PPFIBP1: variants seen among roughly 807,000 people sequenced by gnomAD.
PPFIBP1 encodes the protein PPFIB scaffold protein 1, also known as liprin-beta-1.
In PPFIBP1, 112 loss-of-function variants were observed where a neutral mutation model predicts 137.8. That is an observed-to-expected ratio of 0.81 (90% CI 0.70 to 0.95). The LOEUF (loss-of-function observed/expected upper bound fraction) is 0.95, where lower values mean the gene tolerates loss of function less well. Ranked by LOEUF, PPFIBP1 falls within the 40% of genes least tolerant of loss-of-function variation. The pLI, the probability that PPFIBP1 is intolerant of heterozygous loss-of-function variation, is 0.00. For missense variants in PPFIBP1, 1,083 were observed against 1,196.6 expected (o/e 0.91, Z 1.40); for synonymous variants, 378 against 417.3 (o/e 0.91, Z 1.15).
Position 27,554,487 on chromosome 12 carries a change from C to T in PPFIBP1, c.-123-23665C>T, listed in dbSNP as rs150293751. ...GACAGTCAGAATCCAGAAAATAATC[C>T]GTACAAACGATGACAATGGTAAAGT... On this transcript the variant is annotated intron_variant, in intron 1 of 29. Coordinates refer to ENST00000228425, the MANE Select transcript of PPFIBP1 (RefSeq NM_003622.4). Among the ~76,000 whole-genome samples the T allele has an allele frequency of 1.2e-4, 18 of 152,222 alleles. No individual in the cohort carries two copies. In the East Asian group the frequency reaches 2.3e-3, roughly 20 times the overall value.
intron 1 of PPFIBP1, among the ~76,000 whole-genome samples, chr12:27,560,655 G>A (rs2049081731): frequency 6.6e-6 from 1 of 152,170 alleles, no homozygotes; most frequent in South Asian, 2.1e-4. Context: ...ACAGCCATAC[G>A]AGTTGAGTAT....
chr12:27,543,742 A>C (rs1279184066), intron 1 of PPFIBP1, among the ~76,000 whole-genome samples: 1 of 152,144 alleles, frequency 6.6e-6, no homozygotes, highest in Non-Finnish European at 1.5e-5. Flanking sequence ...CCGTTGGCTA[A>C]ATCTTATAAC....
intron 2 of PPFIBP1, among the ~76,000 whole-genome samples, chr12:27,625,580 G>GTTT (rs35985658): frequency 7.3e-5 from 10 of 136,190 alleles, no homozygotes; most frequent in East Asian, 2.2e-4. Context: ...GTTTTTTACA[G>GTTT]TTTTTTTTTT....
At chr12:27,600,051 G>T (rs1437923789) in intron 2 of PPFIBP1, among the ~76,000 whole-genome samples, 3 of 152,194 alleles carry the variant, frequency 2.0e-5, no homozygotes, top group Non-Finnish European at 4.4e-5. Context: ...CTGTGTAAGA[G>T]GTTAACGTTA....
At position 27,689,064 on chromosome 12, in the gene PPFIBP1, T is replaced by G; in HGVS notation, c.2546T>G (p.Ile849Ser). 1.9e-6 allele frequency: 3 copies of G among 1,613,744 alleles called. No homozygotes were observed. The highest frequency in any genetic ancestry group is 2.5e-6 in the Non-Finnish European group (3 of 1,179,920). The change falls in exon 27 of 30, where the codon ATC becomes AGC. Residue 849 changes from isoleucine (I) to serine (S), a missense_variant. Physicochemically the swap from Ile to Ser is moderately radical, Grantham distance 142. Transcript: ENST00000228425. ...GAAACAATGGCTCAGTTATTGAACA[T>G]CCCACCCAATAAGACTTTGCTGCGA... ...NVETMAQLLN[I>S]PPNKTLLRRH...
chr12:27,595,885 AAATATATATAT>A (rs1565837834), intron 2 of PPFIBP1, among the ~76,000 whole-genome samples: 5,558 of 116,172 alleles, frequency 0.048, 119 homozygotes, highest in African/African-American at 0.055. Flanking sequence ...AACAACAACA[AAATATATATAT>A]ATATATATAT....
At chr12:27,685,510 C>A (rs1374896505) in intron 24 of PPFIBP1, among the ~76,000 whole-genome samples, 1 of 152,030 alleles carries the variant, frequency 6.6e-6, no homozygotes, top group African/African-American at 2.4e-5. Flanking sequence ...TATTTGCCTC[C>A]CTCTCTAAGT....
intron 1 of PPFIBP1, among the ~76,000 whole-genome samples, chr12:27,568,477 A>T (rs1375125214): frequency 6.6e-6 from 1 of 152,232 alleles, no homozygotes; most frequent in Non-Finnish European, 1.5e-5. Context: ...CACCAAGCCC[A>T]TCTCATTCAG....
intron 1 of PPFIBP1, among the ~76,000 whole-genome samples, chr12:27,569,107 C>T (rs2049929505): frequency 6.6e-6 from 1 of 152,236 alleles, no homozygotes; most frequent in Middle Eastern, 3.4e-3. Context: ...AATTGCATCC[C>T]CTGCCTCCAA....
chr12:27,652,766 A>C (rs2058951995), intron 7 of PPFIBP1, among the ~76,000 whole-genome samples: 1 of 152,220 alleles, frequency 6.6e-6, no homozygotes. Context: ...ATTTCTTAGC[A>C]ATGAGAAAGT....
At position 27,688,338 on chromosome 12, in the gene PPFIBP1, A is replaced by G. The variant is rs1462744006; in HGVS notation, c.2411A>G (p.His804Arg). ...TCAGAAGTTCAGAAGTGGACTAACC[A>G]TCGAGTGATGGAGTGGCTGCGCTCC... ...APSEVQKWTN[H>R]RVMEWLRSVD... Residue 804 changes from histidine (H) to arginine (R), a missense_variant, in exon 26 of 30, where the codon CAT (histidine) becomes CGT (arginine). By Grantham distance (29) the His-to-Arg change is conservative. Coordinates refer to ENST00000228425, the MANE Select transcript of PPFIBP1 (RefSeq NM_003622.4). 1.2e-6 allele frequency: 2 copies of G among 1,614,024 alleles called. No homozygotes were observed. Among genetic ancestry groups the G allele is most frequent in the African/African-American group, 1.3e-5 (1 of 74,930 alleles).
At chr12:27,558,487 C>CACACACACACACACACACAT (rs2048887792) in intron 1 of PPFIBP1, among the ~76,000 whole-genome samples, 1 of 112,606 alleles carries the variant, frequency 8.9e-6, no homozygotes, top group Non-Finnish European at 1.9e-5. Context: ...CACACACACA[C>CACACACACACACACACACAT]ACACACACGA....
Position 27,647,966 on chromosome 12 carries a change from A to T in PPFIBP1, c.471+124A>T, listed in dbSNP as rs905853607. 1.5e-3 allele frequency: 875 copies of T among 581,630 alleles called. 8 individuals are homozygous for T. In the African/African-American group the frequency reaches 0.016, roughly 10 times the overall value. The allele number at this position is 581,630 out of a possible 1,614,324, so 36.0% of individuals were successfully genotyped here. ...CTTGATTCATTTAGACCAGCACATT[A>T]AAAAAAAAAAATTGAGAGTAGTAGA... is the stretch of plus-strand genomic sequence containing the variant. On this transcript the variant is annotated intron_variant, in intron 6 of 29. Transcript: ENST00000228425.
chr12:27,614,345 C>A lies in PPFIBP1; in HGVS notation c.-35-19017C>A, dbSNP rs555150544. Among the ~76,000 whole-genome samples, 8 of 152,032 alleles carry A rather than the reference C, an allele frequency of 5.3e-5. No homozygotes were observed. In the South Asian group the frequency reaches 1.3e-3, roughly 24 times the overall value. On this transcript the variant is annotated intron_variant, in intron 2 of 29. Coordinates refer to ENST00000228425, the MANE Select transcript of PPFIBP1 (RefSeq NM_003622.4). ...AGTGAGCCGTGCGTGATTGGGCCAC[C>A]GCACTCCAGCCTGAGTGACAGAGCA...
chr12:27,608,009 T>TA lies in PPFIBP1; in HGVS notation c.-35-25348dup, dbSNP rs568661953. On this transcript the variant is annotated intron_variant, in intron 2 of 29. Transcript: ENST00000228425. ...TGTACAAAATTATGTACTGAAACTC[T>TA]AAAAAGCTATTTTCATTCTTTTTAA... 9.5e-4 allele frequency among the ~76,000 whole-genome samples: 144 copies of TA among 152,338 alleles called. 1 individual carries two copies. The highest frequency in any genetic ancestry group is 1.5e-3 in the Non-Finnish European group (99 of 68,022).
At position 27,647,740 on chromosome 12, in the gene PPFIBP1, A is replaced by G. The variant is rs1404748340; in HGVS notation, c.369A>G (p.Leu123=). The stretch of plus-strand genomic sequence containing the variant: ...TGCTCTAAATACAGGTAAGTGTGTT[A>G]ACAGACCAGGTGGAGGCTCAGGGAG... ...KESLVLQVSV[L]TDQVEAQGEK... The change falls in exon 6 of 30, where the codon TTA becomes TTG. Residue 123 remains leucine, a synonymous_variant. Coordinates refer to ENST00000228425, the MANE Select transcript of PPFIBP1 (RefSeq NM_003622.4). The G allele has an allele frequency of 3.1e-6, 5 of 1,603,896 alleles. No homozygotes were observed. The Admixed American group carries it at 6.8e-5, about 22-fold the overall frequency.
chr12:27,641,164 A>T (rs2058085174), intron 4 of PPFIBP1, among the ~76,000 whole-genome samples: 1 of 152,224 alleles, frequency 6.6e-6, no homozygotes, highest in Non-Finnish European at 1.5e-5. Context: ...GACCTTAAAA[A>T]GGGGGCTGTT....
chr12:27,559,212 C>T (rs1419063921), intron 1 of PPFIBP1, among the ~76,000 whole-genome samples: 1 of 151,898 alleles, frequency 6.6e-6, no homozygotes, highest in East Asian at 1.9e-4. Flanking sequence ...CGCTCTGTTG[C>T]CCAGGCTGGA....
At chr12:27,685,284 T>C (rs1287039768) in intron 24 of PPFIBP1, among the ~76,000 whole-genome samples, 4 of 150,802 alleles carry the variant, frequency 2.7e-5, no homozygotes, top group South Asian at 2.1e-4. Context: ...TGTATCCATA[T>C]ACACACACAC....
Sources: gnomAD v4.1 joint callset for allele counts (sites outside exome capture counted in the v4.1 genomes callset) on GRCh38, gnomAD v4.1.1 for gene constraint, MANE v1.5 for transcripts, NCBI Gene and HGNC (gene_info 2026-07-23, HGNC 2026-07-21) for gene names.